Variants in MBD3 observed in about 807,000 individuals in gnomAD.
MBD3 encodes methyl-CpG binding domain protein 3.
Under a neutral mutation model 31.2 loss-of-function variants are expected in MBD3, and 13 were observed. That is an observed-to-expected ratio of 0.42 (90% confidence interval 0.27 to 0.66). MBD3 has a LOEUF of 0.66. Among genes scored for constraint, MBD3 ranks in the 30% least tolerant of loss-of-function variants. MBD3 has a pLI of 0.26. For synonymous variants in MBD3, 223 were observed against 187.4 expected (o/e 1.19, Z -1.55); for missense variants, 440 against 426.5 (o/e 1.03, Z -0.28).
rs1174702954 is a variant in MBD3, at chr19:1,578,772, C to T, written c.678-234G>A. Among the ~76,000 whole-genome samples the T allele has an allele frequency of 6.6e-6, 1 of 152,168 alleles. No individual in the cohort carries two copies. The highest frequency in any genetic ancestry group is 2.4e-5 in the African/African-American group (1 of 41,446). On this transcript the variant is annotated intron_variant, in intron 5 of 6. Coordinates refer to ENST00000434436, the MANE Select transcript of MBD3 (RefSeq NM_001281453.2). This position sits in a 1 kb window ranked among gnomAD's most constrained non-coding sequence, Gnocchi z 6.1. ...CTCCCAGATGGCCCCCCTGCCACCT[C>T]TACTGGGACCAAGGGAGGGGCCTGA... is the stretch of plus-strand genomic sequence containing the variant.
Position 1,581,300 on chromosome 19 carries a change from G to T in MBD3, c.500-31C>A, listed in dbSNP as rs756683576. 7 of 1,597,258 alleles carry T rather than the reference G, an allele frequency of 4.4e-6. No individual in the cohort carries two copies. The African/African-American group carries it at 9.3e-5, about 21-fold the overall frequency. ...AGGCAGTGGACAAACAGCCGCAAGT[G>T]GAGAGGTCACCACGGGGCAGCTGTG... On this transcript the variant is annotated intron_variant, in intron 4 of 6. Coordinates refer to ENST00000434436, the MANE Select transcript of MBD3 (RefSeq NM_001281453.2).
At position 1,585,575 on chromosome 19, in the gene MBD3, TAGG is replaced by T; in HGVS notation, c.111-364_111-362del. The stretch of plus-strand genomic sequence containing the variant: ...GGTCCCCTCTGAATCCTCCCCACCG[TAGG>T]CCCTGGCAGCGTCAGGCACAGCAGA... On this transcript the variant is annotated intron_variant, in intron 1 of 6. Transcript: ENST00000434436. The surrounding 1 kb of genome is among the most constrained non-coding windows in gnomAD (Gnocchi z 4.1). The T allele has an allele frequency of 1.7e-5, 5 of 300,278 alleles. No individual in the cohort carries two copies. Among genetic ancestry groups the T allele is most frequent in the South Asian group, 7.0e-5 (2 of 28,556 alleles). 18.6% of individuals were successfully genotyped at this position (300,278 alleles called of 1,614,324 possible).
intron 4 of MBD3, among the ~76,000 whole-genome samples, chr19:1,582,397 C>G (rs1410193883): frequency 6.6e-6 from 1 of 152,132 alleles, no homozygotes; most frequent in Non-Finnish European, 1.5e-5. Context: ...CCACAAAGCC[C>G]CACCCGCAGG....
rs200289849 is a variant in MBD3, at chr19:1,582,674, G to A, written c.447C>T (p.Phe149=). The A allele has an allele frequency of 6.2e-6, 10 of 1,614,042 alleles. No individual in the cohort carries two copies. The East Asian group carries it at 8.9e-5, about 14-fold the overall frequency. ...WEKKLSGLNA[F]DIAEELVKTM... Reference sequence around the variant, plus strand: ...TCTTGACCAGCTCCTCAGCAATGTCGAAGGCGTTCAGGCCGCTCAGCTTCT... The same window carrying A: ...TCTTGACCAGCTCCTCAGCAATGTCAAAGGCGTTCAGGCCGCTCAGCTTCT... Residue 149 remains phenylalanine, a synonymous_variant, in exon 4 of 7, where the codon TTC becomes TTT. Transcript: ENST00000434436.
chr19:1,575,485 A>G lies in MBD3; in HGVS notation c.*2679T>C, dbSNP rs1478276533. ...GCTGGGGGCAGCCAAGTGGCCTTTGAGGATGGGGCCAGGCACCGCACAGGG... is the reference window on the plus strand; with the variant it reads ...GCTGGGGGCAGCCAAGTGGCCTTTGGGGATGGGGCCAGGCACCGCACAGGG... On this transcript the variant is annotated 3_prime_UTR_variant, in exon 7 of 7. Coordinates refer to ENST00000434436, the MANE Select transcript of MBD3 (RefSeq NM_001281453.2). The G allele has an allele frequency of 7.7e-5, 23 of 300,092 alleles. No homozygotes were observed. The highest frequency in any genetic ancestry group is 5.9e-4 in the South Asian group (22 of 37,546). The allele number at this position is 300,092 out of a possible 1,614,324, so 18.6% of individuals were successfully genotyped here. A position where few individuals can be genotyped will look rare whatever the true frequency, so the allele number is the denominator to read the frequency against.
At chr19:1,583,580 A>G (rs530373986) in intron 3 of MBD3, among the ~76,000 whole-genome samples, 1 of 152,116 alleles carries the variant, frequency 6.6e-6, no homozygotes, top group African/African-American at 2.4e-5. Context: ...ACAACTGGCC[A>G]GGTGAGTTGG....
Position 1,592,679 on chromosome 19 carries a change from A to AC in MBD3, c.-49dup, listed in dbSNP as rs1443685442. On this transcript the variant is annotated 5_prime_UTR_variant, in exon 1 of 7. Transcript: ENST00000434436. ...CGCCGGGCCCGCCGCCGCCGCCCGG[A>AC]CCCCCACTCGCCGCCGCCGCCTCAG... 1.3e-6 allele frequency: 1 copy of AC among 756,900 alleles called. No homozygotes were observed. Among genetic ancestry groups the AC allele is most frequent in the Non-Finnish European group, 1.7e-6 (1 of 598,792 alleles). 46.9% of individuals were successfully genotyped at this position (756,900 alleles called of 1,614,324 possible).
rs1308268494 is a variant in MBD3, at chr19:1,577,581, T to C, written c.*583A>G. 3 of 152,280 alleles carry C rather than the reference T, an allele frequency of 2.0e-5. No individual in the cohort carries two copies. The highest frequency in any genetic ancestry group is 4.4e-5 in the Non-Finnish European group (3 of 68,124). The allele number at this position is 152,280 out of a possible 1,614,324, so 9.4% of individuals were successfully genotyped here. On this transcript the variant is annotated 3_prime_UTR_variant, in exon 7 of 7. Coordinates refer to ENST00000434436, the MANE Select transcript of MBD3 (RefSeq NM_001281453.2). ...GATGACGTGCCTCGACTGTGTTACA[T>C]TTACTGAAGGAGAGCGGCCTCCTGG... is the stretch of plus-strand genomic sequence containing the variant.
chr19:1,577,457 G>C lies in MBD3; in HGVS notation c.*707C>G, dbSNP rs1917227238. 6.6e-6 allele frequency: 1 copy of C among 152,294 alleles called. No individual in the cohort carries two copies. The highest frequency in any genetic ancestry group is 6.5e-5 in the Admixed American group (1 of 15,284). 9.4% of individuals were successfully genotyped at this position (152,294 alleles called of 1,614,324 possible). A position where few individuals can be genotyped will look rare whatever the true frequency, so the allele number is the denominator to read the frequency against. On this transcript the variant is annotated 3_prime_UTR_variant, in exon 7 of 7. Coordinates refer to ENST00000434436, the MANE Select transcript of MBD3 (RefSeq NM_001281453.2). ...GGCAGGGGGGCCGGCTGGCAGTGGA[G>C]CATTCTGGCAGCGCCGGGCGACCAA...
At position 1,592,550 on chromosome 19, in the gene MBD3, C is replaced by A. The variant is rs1310761152; in HGVS notation, c.82G>T (p.Ala28Ser). 7.6e-6 allele frequency: 11 copies of A among 1,439,226 alleles called. No homozygotes were observed. Among genetic ancestry groups the A allele is most frequent in the Non-Finnish European group, 1.0e-5 (11 of 1,073,504 alleles). 89.2% of individuals were successfully genotyped at this position (1,439,226 alleles called of 1,614,324 possible). A position where few individuals can be genotyped will look rare whatever the true frequency, so the allele number is the denominator to read the frequency against. ...EEVPRRSGLS[A>S]GHRDVFYYSP... is the part of the protein sequence containing the mutation. Reference sequence around the variant, plus strand: ...TAGTAAAAGACATCCCTGTGGCCGGCCGACAGCCCCGACCTTCTGGGCACT... The same window carrying A: ...TAGTAAAAGACATCCCTGTGGCCGGACGACAGCCCCGACCTTCTGGGCACT... Residue 28 changes from alanine (A) to serine (S), a missense_variant, in exon 1 of 7, where the codon GCC becomes TCC. Transcript: ENST00000434436.
At chr19:1,587,086 C>T (rs890954496) in intron 1 of MBD3, among the ~76,000 whole-genome samples, 1 of 151,918 alleles carries the variant, frequency 6.6e-6, no homozygotes, top group African/African-American at 2.4e-5. Flanking sequence ...CTGACTCAGC[C>T]TCCCGAGTAG....
chr19:1,585,367 C>A lies in MBD3; in HGVS notation c.111-153G>T, dbSNP rs1481953916. 5.4e-5 allele frequency: 44 copies of A among 809,752 alleles called. No individual in the cohort carries two copies. Among genetic ancestry groups the A allele is most frequent in the Admixed American group, 2.6e-5 (1 of 38,326 alleles). The allele number at this position is 809,752 out of a possible 1,614,324, so 50.2% of individuals were successfully genotyped here. A position where few individuals can be genotyped will look rare whatever the true frequency, so the allele number is the denominator to read the frequency against. On this transcript the variant is annotated intron_variant, in intron 1 of 6. Transcript: ENST00000434436. The surrounding 1 kb of genome is among the most constrained non-coding windows in gnomAD (Gnocchi z 4.1). ...GGCCCTGACCCCAAACCCAGGCAGG[C>A]CCTGGCCCCAGCCCCAGACCCCAAC... is the stretch of plus-strand genomic sequence containing the variant.
At position 1,589,987 on chromosome 19, in the gene MBD3, T is replaced by C. The variant is rs1018079766; in HGVS notation, c.110+2535A>G. Among the ~76,000 whole-genome samples, 10 of 152,144 alleles carry C rather than the reference T, an allele frequency of 6.6e-5. No homozygotes were observed. The South Asian group carries it at 1.9e-3, about 28-fold the overall frequency. ...ATGTTCTGGAATTAGATAGCGGTGA[T>C]GGTTGCACAACTTTGTCAATGTACT... On this transcript the variant is annotated intron_variant, in intron 1 of 6. Transcript: ENST00000434436.
chr19:1,575,263 C>T lies in MBD3; in HGVS notation c.*2901G>A, dbSNP rs1249057598. 10 of 429,666 alleles carry T rather than the reference C, an allele frequency of 2.3e-5. No homozygotes were observed. The highest frequency in any genetic ancestry group is 1.2e-4 in the Admixed American group (5 of 40,878). 26.6% of individuals were successfully genotyped at this position (429,666 alleles called of 1,614,324 possible). On this transcript the variant is annotated 3_prime_UTR_variant, in exon 7 of 7. Coordinates refer to ENST00000434436, the MANE Select transcript of MBD3 (RefSeq NM_001281453.2). ...TGGCCAACATGGTGAAACCCTGTCT[C>T]TATTAAAAATACAAAAATTAGCTGG... is the stretch of plus-strand genomic sequence containing the variant.
In MBD3 at chr19:1,575,264, T is replaced by C; in HGVS notation, c.*2900A>G. 2.3e-6 allele frequency: 1 copy of C among 430,102 alleles called. No individual in the cohort carries two copies. The highest frequency in any genetic ancestry group is 4.8e-6 in the Non-Finnish European group (1 of 209,240). 26.6% of individuals were successfully genotyped at this position (430,102 alleles called of 1,614,324 possible). A position where few individuals can be genotyped will look rare whatever the true frequency, so the allele number is the denominator to read the frequency against. On this transcript the variant is annotated 3_prime_UTR_variant, in exon 7 of 7. Transcript: ENST00000434436. ...GGCCAACATGGTGAAACCCTGTCTC[T>C]ATTAAAAATACAAAAATTAGCTGGG...
intron 5 of MBD3, among the ~76,000 whole-genome samples, chr19:1,580,274 C>T (rs935941782): frequency 9.2e-5 from 14 of 152,180 alleles, no homozygotes; most frequent in Admixed American, 7.9e-4. Context: ...GGATGGAACC[C>T]TTGGCGCCCA....
rs770238739 is a variant in MBD3, at chr19:1,585,147, TCAGGTC to T, written c.172_177del (p.Asp58_Leu59del). 1.2e-6 allele frequency: 2 copies of T among 1,611,026 alleles called. No homozygotes were observed. The highest frequency in any genetic ancestry group is 2.2e-5 in the South Asian group (2 of 91,070). ...TTGCCCGTGCGGAAGTCGAAGGTGC[TCAGGTC>T]CATGGAGCCGCCCAGGTAGCGCGCC... On this transcript the variant is annotated inframe_deletion, in exon 2 of 7. Transcript: ENST00000434436. This position sits in a 1 kb window ranked among gnomAD's most constrained non-coding sequence, Gnocchi z 4.1.
At chr19:1,583,361 C>G (rs2060661962) in intron 3 of MBD3, 1 of 139,920 alleles carries the variant, frequency 7.1e-6, no homozygotes, top group Non-Finnish European at 1.5e-5. Flanking sequence ...GCACTCCAGC[C>G]TGGGTGACAG....
At chr19:1,586,441 G>A (rs2060679542) in intron 1 of MBD3, 2 of 152,366 alleles carry the variant, frequency 1.3e-5, no homozygotes, top group African/African-American at 4.8e-5. Context: ...TCAGAGACAG[G>A]AAGGGGACGC....
Sources: gnomAD v4.1 joint callset for allele counts (sites outside exome capture counted in the v4.1 genomes callset) on GRCh38, gnomAD v4.1.1 for gene constraint, Gnocchi (gnomAD v3.1) non-coding constraint, MANE v1.5 for transcripts, NCBI Gene and HGNC (gene_info 2026-07-23, HGNC 2026-07-21) for gene names.